The following EDARADD variants were observed in gnomAD, a reference collection of about 807,000 sequenced individuals.
The protein encoded by EDARADD is ectodysplasin-A receptor-associated adapter protein.
EDARADD carries 20 observed loss-of-function variants against 25.6 expected under a neutral mutation model. That is an observed-to-expected ratio of 0.78 (90% CI 0.55 to 1.14). The LOEUF (loss-of-function observed/expected upper bound fraction) is 1.14, where lower values mean the gene tolerates loss of function less well. Among genes scored for constraint, EDARADD ranks in the 50% most tolerant of loss-of-function variants. The probability of loss-of-function intolerance (pLI) is 0.00; values close to 1 mark genes in which losing one functional copy is unlikely to be tolerated. For missense variants in EDARADD, 225 were observed against 270.1 expected (o/e 0.83, Z 1.17); for synonymous variants, 86 against 94.4 (o/e 0.91, Z 0.52).
intron 3 of EDARADD, among the ~76,000 whole-genome samples, chr1:236,361,967 A>G (rs975803521): frequency 6.6e-6 from 1 of 152,034 alleles, no homozygotes; most frequent in African/African-American, 2.4e-5. Context: ...TATGTTTAAC[A>G]TTTTAAGAAA....
chr1:236,448,625 ACT>A (rs1458044809), intron 4 of EDARADD, among the ~76,000 whole-genome samples: 2 of 152,104 alleles, frequency 1.3e-5, no homozygotes, highest in Admixed American at 6.6e-5. Flanking sequence ...AACTATAAAA[ACT>A]CTGATGAAAG....
At chr1:236,480,621 A>G (rs569146080) in intron 5 of EDARADD, among the ~76,000 whole-genome samples, 1 of 152,296 alleles carries the variant, frequency 6.6e-6, no homozygotes, top group Admixed American at 6.5e-5. Flanking sequence ...AAAGGCTACT[A>G]TAACCTTCCC....
rs1657360380 is a variant in EDARADD, at chr1:236,409,401, G to T, written c.120+127G>T. On this transcript the variant is annotated intron_variant, in intron 2 of 5. Transcript: ENST00000334232. ...AAACCCCAAAGTAAGATTTTTCTAA[G>T]ATAACTGCTTTATCTTGGTATTCTA... 1.1e-5 allele frequency: 8 copies of T among 711,426 alleles called. No homozygotes were observed. The East Asian group carries it at 2.2e-4, about 19-fold the overall frequency. The allele number at this position is 711,426 out of a possible 1,614,324, so 44.1% of individuals were successfully genotyped here.
At chr1:236,461,792 G>A (rs1659045621) in intron 4 of EDARADD, among the ~76,000 whole-genome samples, 2 of 152,052 alleles carry the variant, frequency 1.3e-5, no homozygotes, top group Non-Finnish European at 2.9e-5. Context: ...TTTCCCATTC[G>A]GTTATCCTCC....
At chr1:236,468,150 AT>A in intron 4 of EDARADD, 80 bp from the exon 5 acceptor site, 1 of 1,461,048 alleles carries the variant, frequency 6.8e-7, no homozygotes, top group South Asian at 1.1e-5. Context: ...TTTGGTGGAA[AT>A]TTAACTAAGT....
intron 3 of EDARADD, among the ~76,000 whole-genome samples, chr1:236,366,782 A>C (rs993822364): frequency 2.9e-5 from 4 of 137,966 alleles, no homozygotes; most frequent in Non-Finnish European, 6.3e-5. Flanking sequence ...CCTTTGCTTA[A>C]TGTAGAGTGT....
At chr1:236,477,655 G>C (rs537627932) in intron 5 of EDARADD, among the ~76,000 whole-genome samples, 1 of 152,014 alleles carries the variant, frequency 6.6e-6, no homozygotes, top group Non-Finnish European at 1.5e-5. Flanking sequence ...GTGCAACAGA[G>C]GAAGTTCGGT....
chr1:236,431,782 G>A (rs1571930913), intron 4 of EDARADD, among the ~76,000 whole-genome samples: 1 of 104,086 alleles, frequency 9.6e-6, no homozygotes, highest in African/African-American at 2.7e-5. Flanking sequence ...TTAGCCGGGC[G>A]CGGTGGCGGG....
rs916466882 is a variant in EDARADD, at chr1:236,476,580, C to T, written c.266-5687C>T. ...TGCTCATGTTGCCTAGGCTGGAGTG[C>T]AGTGGCACGATCTCGGTTCACTGCA... is the stretch of plus-strand genomic sequence containing the variant. On this transcript the variant is annotated intron_variant, in intron 5 of 5. Coordinates refer to ENST00000334232, the MANE Select transcript of EDARADD (RefSeq NM_145861.4). Among the ~76,000 whole-genome samples the T allele has an allele frequency of 7.9e-5, 12 of 151,672 alleles. No homozygotes were observed. The East Asian group carries it at 1.2e-3, about 15-fold the overall frequency.
intron 4 of EDARADD, among the ~76,000 whole-genome samples, chr1:236,452,066 C>A (rs1331139486): frequency 6.6e-6 from 1 of 152,164 alleles, no homozygotes; most frequent in Non-Finnish European, 1.5e-5. Context: ...TCCTCATGCC[C>A]ACAGGTTAGG....
chr1:236,394,909 T>C (rs1667485888), intron 1 of EDARADD, among the ~76,000 whole-genome samples: 1 of 152,232 alleles, frequency 6.6e-6, no homozygotes, highest in South Asian at 2.1e-4. Context: ...CTAGAGAAGC[T>C]GTGAGTGTGT....
At chr1:236,433,317 G>A (rs962681121) in intron 4 of EDARADD, among the ~76,000 whole-genome samples, 2 of 151,716 alleles carry the variant, frequency 1.3e-5, no homozygotes, top group Admixed American at 6.6e-5. Flanking sequence ...AGCACTTTGG[G>A]GGGGGCCGAG....
chr1:236,452,512 C>T (rs1222747362), intron 4 of EDARADD, among the ~76,000 whole-genome samples: 2 of 151,798 alleles, frequency 1.3e-5, no homozygotes, highest in African/African-American at 2.4e-5. Flanking sequence ...CTCTCTCTCT[C>T]TCTTTCTTAC....
At position 236,468,284 on chromosome 1, in the gene EDARADD, AT is replaced by A; in HGVS notation, c.265+10del. On this transcript the variant is annotated intron_variant, in intron 5 of 5. Coordinates refer to ENST00000334232, the MANE Select transcript of EDARADD (RefSeq NM_145861.4). Reference sequence around the variant, plus strand: ...CTGGAGATCCTCTTCCAGGTAAATGATTGATTCTAAAGCTATCTGGGCTAAT... The same window carrying A: ...CTGGAGATCCTCTTCCAGGTAAATGATGATTCTAAAGCTATCTGGGCTAAT... 6.2e-7 allele frequency: 1 copy of A among 1,613,854 alleles called. No individual in the cohort carries two copies. Among genetic ancestry groups the A allele is most frequent in the Non-Finnish European group, 8.5e-7 (1 of 1,179,772 alleles).
upstream of EDARADD, among the ~76,000 whole-genome samples, chr1:236,389,953 T>G (rs1336619170): frequency 2.0e-5 from 3 of 152,078 alleles, no homozygotes; most frequent in Non-Finnish European, 4.4e-5. Context: ...GACGCTGCAG[T>G]GAGCTGTGAT....
chr1:236,423,738 A>G (rs576654060), intron 3 of EDARADD, among the ~76,000 whole-genome samples: 44 of 152,274 alleles, frequency 2.9e-4, no homozygotes, highest in Admixed American at 5.2e-4. Context: ...CACTAATTGG[A>G]TGGAGTCAGT....
At chr1:236,473,000 A>G (rs574923562) in intron 5 of EDARADD, among the ~76,000 whole-genome samples, 1 of 152,272 alleles carries the variant, frequency 6.6e-6, no homozygotes, top group South Asian at 2.1e-4. Flanking sequence ...GGCTGCTAAG[A>G]AGCCTAATTT....
At chr1:236,454,970 G>A (rs1306956660) in intron 4 of EDARADD, among the ~76,000 whole-genome samples, 1 of 152,202 alleles carries the variant, frequency 6.6e-6, no homozygotes, top group East Asian at 1.9e-4. Flanking sequence ...CCAGCACTTT[G>A]GGAGGCCAAG....
In EDARADD at chr1:236,395,728, C is replaced by A; in HGVS notation, c.61+1223C>A. The stretch of plus-strand genomic sequence containing the variant: ...GCGGGGCGGGAGCTCGGGAGGCGCT[C>A]GCAGCAGCCGCAGGGCTATCGAGGC... On this transcript the variant is annotated intron_variant, in intron 1 of 5. Coordinates refer to ENST00000334232, the MANE Select transcript of EDARADD (RefSeq NM_145861.4). This position sits in a 1 kb window ranked among gnomAD's most constrained non-coding sequence, Gnocchi z 6.9. The A allele has an allele frequency of 6.6e-7, 1 of 1,519,366 alleles. No homozygotes were observed. Among genetic ancestry groups the A allele is most frequent in the Non-Finnish European group, 8.8e-7 (1 of 1,139,626 alleles). 94.1% of individuals were successfully genotyped at this position (1,519,366 alleles called of 1,614,324 possible).
Sources: allele counts gnomAD v4.1 joint callset (sites outside exome capture counted in the v4.1 genomes callset), GRCh38; gene constraint gnomAD v4.1.1; non-coding constraint Gnocchi (gnomAD v3.1); transcripts MANE v1.5; gene names NCBI Gene and HGNC (gene_info 2026-07-23, HGNC 2026-07-21).